RAPGEF3: variants seen among roughly 807,000 people sequenced by gnomAD.
RAPGEF3 encodes the protein Rap guanine nucleotide exchange factor 3.
RAPGEF3 carries 103 observed loss-of-function variants against 129.8 expected under a neutral mutation model. The observed-to-expected ratio is 0.79, with a 90% confidence interval of 0.68 to 0.93. RAPGEF3 has a LOEUF of 0.93. Ranked by LOEUF, RAPGEF3 falls within the 40% of genes least tolerant of loss-of-function variation. RAPGEF3 has a pLI of 0.00. For synonymous variants in RAPGEF3, 436 were observed against 482.6 expected (o/e 0.90, Z 1.26); for missense variants, 1,117 against 1,207.4 (o/e 0.93, Z 1.11).
At chr12:47,740,112 A>T in intron 23 of RAPGEF3, 29 bp downstream of exon 23, 1 of 1,607,190 alleles carries the variant, frequency 6.2e-7, no homozygotes. Context: ...ATCCTAGCAG[A>T]GCCAGGCCGG....
At chr12:47,745,687 A>G (rs953468443) in intron 16 of RAPGEF3, 18 of 152,038 alleles carry the variant, frequency 1.2e-4, no homozygotes, top group African/African-American at 4.3e-4. Flanking sequence ...AGCCGACTCC[A>G]GTGCACATTC....
At chr12:47,740,582 C>T in intron 21 of RAPGEF3, 60 bp downstream of exon 21, 1 of 1,558,590 alleles carries the variant, frequency 6.4e-7, no homozygotes, top group Non-Finnish European at 8.7e-7. Flanking sequence ...AAGAGGGGGG[C>T]TTAGGAAAAG....
chr12:47,740,544 G>A (rs1009801249), intron 21 of RAPGEF3, 98 bp downstream of exon 21: 4 of 1,511,120 alleles, frequency 2.6e-6, no homozygotes, highest in East Asian at 2.3e-5. Flanking sequence ...GAACAAATAG[G>A]GTGGCAGATT....
Position 47,737,691 on chromosome 12 carries a change from G to A in RAPGEF3, c.2654-6C>T. The A allele has an allele frequency of 6.2e-7, 1 of 1,612,318 alleles. No individual in the cohort carries two copies. The highest frequency in any genetic ancestry group is 8.5e-7 in the Non-Finnish European group (1 of 1,179,142). Reference sequence around the variant, plus strand: ...GCTCAGGGACTGCTCCGAGCCTGGTGGAGGAGAGTAGTCAGGGAGGCACTG... The same window carrying A: ...GCTCAGGGACTGCTCCGAGCCTGGTAGAGGAGAGTAGTCAGGGAGGCACTG... On this transcript the variant is annotated splice_polypyrimidine_tract_variant and splice_region_variant and intron_variant, in intron 27 of 27. Transcript: ENST00000449771.
rs200328992 is a variant in RAPGEF3 at position 47,748,416 on chromosome 12, A to G, written c.1243+38T>C. ...TCTCCCAGGCTCCATGGACCACCCA[A>G]TGAGTCAGAAAGCAGGCAGGGTGTC... On this transcript the variant is annotated intron_variant, in intron 12 of 27. Transcript: ENST00000449771. 1,267 of 1,573,446 alleles carry G rather than the reference A, an allele frequency of 8.1e-4. 1 individual carries two copies. The highest frequency in any genetic ancestry group is 1.0e-3 in the Non-Finnish European group (1,179 of 1,145,844).
intron 2 of RAPGEF3, 78 bp from the exon 3 acceptor site, chr12:47,752,047 A>T: frequency 6.7e-7 from 1 of 1,490,306 alleles, no homozygotes; most frequent in South Asian, 1.2e-5. Context: ...CTCCCCCATC[A>T]CTCCCACTCT....
At chr12:47,738,138 C>T (rs1294899388) in intron 26 of RAPGEF3, 45 bp from the exon 27 acceptor site, 1 of 1,613,902 alleles carries the variant, frequency 6.2e-7, no homozygotes, top group Admixed American at 1.7e-5. Flanking sequence ...CACCCTGGAG[C>T]CTCACAGAGG....
intron 18 of RAPGEF3, chr12:47,742,100 G>A (rs1941201295): frequency 1.3e-5 from 2 of 153,228 alleles, no homozygotes; most frequent in South Asian, 4.1e-4. Flanking sequence ...AGGTACATCA[G>A]ATCATCCATG....
intron 2 of RAPGEF3, among the ~76,000 whole-genome samples, chr12:47,753,473 T>C (rs1462537961): frequency 6.6e-6 from 1 of 152,236 alleles, no homozygotes; most frequent in Admixed American, 6.5e-5. Flanking sequence ...ATCTTGGCAC[T>C]GCGTGCCCAA....
At position 47,737,381 on chromosome 12, in the gene RAPGEF3, C is replaced by G. The variant is rs948776303; in HGVS notation, c.*186G>C. The G allele has an allele frequency of 9.9e-6, 6 of 604,476 alleles. No individual in the cohort carries two copies. The highest frequency in any genetic ancestry group is 1.5e-5 in the Non-Finnish European group (5 of 342,050). 37.4% of individuals were successfully genotyped at this position (604,476 alleles called of 1,614,324 possible). On this transcript the variant is annotated 3_prime_UTR_variant, in exon 28 of 28. Coordinates refer to ENST00000449771, the MANE Select transcript of RAPGEF3 (RefSeq NM_001098531.4). ...TCGTTATTCCTGGCTCGGGTCCACTCCGAGGTCCTCCTTAGCTGCCAGTCA... is the reference window on the plus strand; with the variant it reads ...TCGTTATTCCTGGCTCGGGTCCACTGCGAGGTCCTCCTTAGCTGCCAGTCA...
rs375764594 is a variant in RAPGEF3, at chr12:47,740,202, G to C, written c.2323-11C>G. 47 of 1,613,744 alleles carry C rather than the reference G, an allele frequency of 2.9e-5. No individual in the cohort carries two copies. The highest frequency in any genetic ancestry group is 3.6e-5 in the Non-Finnish European group (43 of 1,179,922). ...TTTGTGAGGCAGCCGCTGTGAAAAG[G>C]AGGCAGATGAGCGGCTGCTCTGGGG... On this transcript the variant is annotated splice_polypyrimidine_tract_variant and intron_variant, in intron 22 of 27. Transcript: ENST00000449771.
At chr12:47,741,272 G>A in intron 19 of RAPGEF3, 1 of 681,932 alleles carries the variant, frequency 1.5e-6, no homozygotes, top group Non-Finnish European at 2.4e-6. Context: ...AACTAGGGCA[G>A]GTCCTCCTCT....
At chr12:47,744,266 G>T in intron 16 of RAPGEF3, 198 bp from the exon 17 acceptor site, 1 of 593,676 alleles carries the variant, frequency 1.7e-6, no homozygotes, top group Admixed American at 3.0e-5. Flanking sequence ...GACACAACAT[G>T]TCTAAGGGCG....
At chr12:47,739,643 A>C in intron 23 of RAPGEF3, 1 of 388,238 alleles carries the variant, frequency 2.6e-6, no homozygotes. Context: ...TCTCTCCAGA[A>C]TAGTCAAAAC....
At chr12:47,752,088 G>A (rs1000170554) in intron 2 of RAPGEF3, 119 bp from the exon 3 acceptor site, 28 of 1,042,832 alleles carry the variant, frequency 2.7e-5, no homozygotes, top group Non-Finnish European at 3.9e-5. Flanking sequence ...ATGCATCCAT[G>A]TGGCCACTCC....
chr12:47,748,172 GA>G lies in RAPGEF3; in HGVS notation c.1244-21del. 6.5e-7 allele frequency: 1 copy of G among 1,543,842 alleles called. No individual in the cohort carries two copies. Among genetic ancestry groups the G allele is most frequent in the Non-Finnish European group, 8.8e-7 (1 of 1,137,682 alleles). ...ATGTCTCTGTATGACAGGGTGAGGG[GA>G]TGGGAGGAGGCTTCAGAGGCCAAGT... On this transcript the variant is annotated intron_variant, in intron 12 of 27. Coordinates refer to ENST00000449771, the MANE Select transcript of RAPGEF3 (RefSeq NM_001098531.4).
At chr12:47,737,745 C>T in intron 27 of RAPGEF3, 60 bp from the exon 28 acceptor site, 12 of 1,480,728 alleles carry the variant, frequency 8.1e-6, no homozygotes, top group Non-Finnish European at 1.1e-5. Context: ...CAACCTTTCC[C>T]CTCCAAGGAG....
At position 47,758,607 on chromosome 12, in the gene RAPGEF3, G is replaced by T. The variant is rs746761008; in HGVS notation, c.-51C>A. 3 of 1,611,080 alleles carry T rather than the reference G, an allele frequency of 1.9e-6. No homozygotes were observed. In the South Asian group the frequency reaches 3.3e-5, roughly 18 times the overall value. On this transcript the variant is annotated 5_prime_UTR_variant, in exon 1 of 28. Transcript: ENST00000449771. ...TGCAGGCTCTAGCAAAAGGCTGGGGGGTCCCCAGCGACCCCCATCAGCTTT... is the reference window on the plus strand; with the variant it reads ...TGCAGGCTCTAGCAAAAGGCTGGGGTGTCCCCAGCGACCCCCATCAGCTTT...
chr12:47,741,210 TC>T, intron 19 of RAPGEF3, 170 bp from the exon 20 acceptor site: 1 of 893,010 alleles, frequency 1.1e-6, no homozygotes, highest in Non-Finnish European at 1.7e-6. Context: ...AGGATAGGGC[TC>T]CCCAGTGCTG....
Sources: gnomAD v4.1 joint callset for allele counts (sites outside exome capture counted in the v4.1 genomes callset) on GRCh38, gnomAD v4.1.1 for gene constraint, MANE v1.5 for transcripts, NCBI Gene and HGNC (gene_info 2026-07-23, HGNC 2026-07-21) for gene names.